CPNE8: variants seen among roughly 807,000 people sequenced by gnomAD.
CPNE8 encodes the protein copine 8, also known as copine-8.
In CPNE8, 45 loss-of-function variants were observed where a neutral mutation model predicts 81.5. That is an observed-to-expected ratio of 0.55 (90% CI 0.44 to 0.71). CPNE8 has a LOEUF of 0.71. Ranked by LOEUF, CPNE8 falls within the 30% of genes least tolerant of loss-of-function variation. CPNE8 has a pLI of 0.00. For missense variants in CPNE8, 594 were observed against 672.1 expected (o/e 0.88, Z 1.28); for synonymous variants, 252 against 226.3 (o/e 1.11, Z -1.02).
intron 13 of CPNE8, among the ~76,000 whole-genome samples, chr12:38,713,707 TA>T (rs1940318176): frequency 6.6e-6 from 1 of 152,296 alleles, no homozygotes; most frequent in Non-Finnish European, 1.5e-5. Flanking sequence ...TTCAGACCTA[TA>T]AAAATATTTT....
intron 1 of CPNE8, among the ~76,000 whole-genome samples, chr12:38,897,484 T>C (rs190344166): frequency 5.6e-4 from 85 of 152,098 alleles, no homozygotes; most frequent in African/African-American, 1.9e-3. Flanking sequence ...ATAAACATAG[T>C]ACAACCATAT....
At chr12:38,821,220 T>A (rs1943104932) in intron 6 of CPNE8, among the ~76,000 whole-genome samples, 1 of 152,218 alleles carries the variant, frequency 6.6e-6, no homozygotes, top group Non-Finnish European at 1.5e-5. Flanking sequence ...CTTAGTTGCA[T>A]GATTATTCAT....
At chr12:38,746,348 CTTCTT>C (rs890665600) in intron 10 of CPNE8, among the ~76,000 whole-genome samples, 3 of 152,070 alleles carry the variant, frequency 2.0e-5, no homozygotes, top group African/African-American at 7.2e-5. Flanking sequence ...CAGGCTTTCA[CTTCTT>C]TTCTTTGGAA....
chr12:38,741,505 C>G (rs1941104055), intron 10 of CPNE8, among the ~76,000 whole-genome samples: 1 of 152,160 alleles, frequency 6.6e-6, no homozygotes, highest in Non-Finnish European at 1.5e-5. Context: ...TGGATCCCTT[C>G]CTTACACCTT....
intron 6 of CPNE8, among the ~76,000 whole-genome samples, chr12:38,783,887 A>G (rs890055127): frequency 1.3e-5 from 2 of 152,178 alleles, no homozygotes; most frequent in Non-Finnish European, 2.9e-5. Context: ...AAGTCTTGCC[A>G]AGAAGAATGG....
chr12:38,689,937 ATTCT>A, intron 15 of CPNE8, among the ~76,000 whole-genome samples: 1 of 152,312 alleles, frequency 6.6e-6, no homozygotes, highest in East Asian at 1.9e-4. Context: ...ATATTAGGAA[ATTCT>A]TCCTTTCCTC....
At chr12:38,719,143 AATT>A (rs1341595171) in intron 13 of CPNE8, among the ~76,000 whole-genome samples, 1 of 152,206 alleles carries the variant, frequency 6.6e-6, no homozygotes, top group Non-Finnish European at 1.5e-5. Context: ...GATTGAATTG[AATT>A]ATATCCTTTT....
intron 14 of CPNE8, among the ~76,000 whole-genome samples, chr12:38,695,583 A>C (rs1386987099): frequency 6.6e-6 from 1 of 152,158 alleles, no homozygotes; most frequent in Non-Finnish European, 1.5e-5. Flanking sequence ...TTGCTTCTAA[A>C]GTAGGGACTT....
At chr12:38,792,827 A>G (rs961315633) in intron 6 of CPNE8, among the ~76,000 whole-genome samples, 1 of 151,934 alleles carries the variant, frequency 6.6e-6, no homozygotes, top group Admixed American at 6.6e-5. Flanking sequence ...TGATGCAAAA[A>G]TCCTCAACAA....
chr12:38,716,795 T>G (rs1228390132), intron 13 of CPNE8, among the ~76,000 whole-genome samples: 1 of 152,002 alleles, frequency 6.6e-6, no homozygotes, highest in Non-Finnish European at 1.5e-5. Flanking sequence ...AAATCAGACC[T>G]AATTAAACCA....
At chr12:38,900,198 A>G (rs141896075) in intron 1 of CPNE8, among the ~76,000 whole-genome samples, 1 of 151,320 alleles carries the variant, frequency 6.6e-6, no homozygotes, top group Non-Finnish European at 1.5e-5. Context: ...ACTAACTCAG[A>G]TCAAGGGACT....
chr12:38,797,287 G>A (rs577849159), intron 6 of CPNE8, among the ~76,000 whole-genome samples: 3 of 152,152 alleles, frequency 2.0e-5, no homozygotes, highest in Non-Finnish European at 4.4e-5. Context: ...AGCCTAACTG[G>A]GAGGCACCCC....
At chr12:38,674,596 T>C (rs563198573) in intron 18 of CPNE8, among the ~76,000 whole-genome samples, 9 of 152,154 alleles carry the variant, frequency 5.9e-5, no homozygotes, top group South Asian at 2.1e-4. Flanking sequence ...TAGATGCTAA[T>C]AGAGATAGAG....
At chr12:38,836,195 T>C (rs1943377903) in intron 5 of CPNE8, among the ~76,000 whole-genome samples, 1 of 152,150 alleles carries the variant, frequency 6.6e-6, no homozygotes, top group East Asian at 1.9e-4. Context: ...CCTAACAGTA[T>C]AGGGAAAAAT....
chr12:38,848,357 C>T (rs945210245), intron 4 of CPNE8, among the ~76,000 whole-genome samples: 1 of 152,168 alleles, frequency 6.6e-6, no homozygotes, highest in Non-Finnish European at 1.5e-5. Flanking sequence ...CATGGCTAAA[C>T]TGCTCACCTA....
intron 18 of CPNE8, among the ~76,000 whole-genome samples, chr12:38,674,347 G>A (rs1939241949): frequency 6.6e-6 from 1 of 152,140 alleles, no homozygotes; most frequent in Admixed American, 6.6e-5. Context: ...GACTTCCATA[G>A]GAGTCTGAGA....
At chr12:38,676,667 A>G (rs1055116908) in intron 17 of CPNE8, among the ~76,000 whole-genome samples, 2 of 152,156 alleles carry the variant, frequency 1.3e-5, no homozygotes, top group African/African-American at 4.8e-5. Context: ...TTTTTTCCAT[A>G]TAATATATCA....
Position 38,730,365 on chromosome 12 carries a change from T to G in CPNE8, c.723-7A>C, listed in dbSNP as rs1940802807. 1 of 1,379,948 alleles carries G rather than the reference T, an allele frequency of 7.2e-7. No homozygotes were observed. The highest frequency in any genetic ancestry group is 2.5e-5 in the African/African-American group (1 of 40,424). 85.5% of individuals were successfully genotyped at this position (1,379,948 alleles called of 1,614,324 possible). A position where few individuals can be genotyped will look rare whatever the true frequency, so the allele number is the denominator to read the frequency against. On this transcript the variant is annotated splice_polypyrimidine_tract_variant and splice_region_variant and intron_variant, in intron 10 of 19. Transcript: ENST00000331366. The stretch of plus-strand genomic sequence containing the variant: ...TTCTCCAATGAAATCATGACTAAAA[T>G]TAAAGGAAAAAAGTACATAATATTG...
At chr12:38,691,324 A>G (rs899017187) in intron 15 of CPNE8, among the ~76,000 whole-genome samples, 1 of 152,124 alleles carries the variant, frequency 6.6e-6, no homozygotes, top group Admixed American at 6.5e-5. Flanking sequence ...TGGTAATGAG[A>G]TTGGCAGTTT....
Sources: gnomAD v4.1 joint callset for allele counts (sites outside exome capture counted in the v4.1 genomes callset) on GRCh38, gnomAD v4.1.1 for gene constraint, MANE v1.5 for transcripts, NCBI Gene and HGNC (gene_info 2026-07-23, HGNC 2026-07-21) for gene names.